OPRK1: variants seen among roughly 807,000 people sequenced by gnomAD.
OPRK1 encodes the protein opioid receptor kappa 1.
In OPRK1, 15 loss-of-function variants were observed where a neutral mutation model predicts 24.5. The observed-to-expected ratio is 0.61, with a 90% CI of 0.41 to 0.94. The LOEUF (loss-of-function observed/expected upper bound fraction) is 0.94, where lower values mean the gene tolerates loss of function less well. Among genes scored for constraint, OPRK1 ranks in the 40% least tolerant of loss-of-function variants. OPRK1 has a pLI of 0.00. For missense variants in OPRK1, 479 were observed against 507.3 expected (o/e 0.94, Z 0.54); for synonymous variants, 205 against 198.0 (o/e 1.04, Z -0.30).
At chr8:53,244,902 G>T (rs1171972568) in intron 2 of OPRK1, among the ~76,000 whole-genome samples, 1 of 152,108 alleles carries the variant, frequency 6.6e-6, no homozygotes, top group Non-Finnish European at 1.5e-5. Flanking sequence ...GTGGTTCCAG[G>T]ATGCCCCCGT....
chr8:53,242,650 G>A (rs966519654), intron 2 of OPRK1: 1 of 253,064 alleles, frequency 4.0e-6, no homozygotes, highest in Non-Finnish European at 7.2e-6. Context: ...GGGACTACAG[G>A]CGCCCGCCAC....
chr8:53,239,742 T>G (rs1807073309), intron 2 of OPRK1, among the ~76,000 whole-genome samples: 1 of 152,208 alleles, frequency 6.6e-6, no homozygotes, highest in Non-Finnish European at 1.5e-5. Flanking sequence ...GTCACATGAC[T>G]GCTCCTGCTG....
intron 2 of OPRK1, among the ~76,000 whole-genome samples, chr8:53,249,835 A>G (rs921269679): frequency 2.0e-5 from 3 of 152,130 alleles, no homozygotes; most frequent in Non-Finnish European, 4.4e-5. Context: ...CCCTTATTTC[A>G]TAGAGACTTC....
rs1178289820 is a variant in OPRK1, at chr8:53,226,623, T to A, written c.*2674A>T. On this transcript the variant is annotated 3_prime_UTR_variant, in exon 4 of 4. Coordinates refer to ENST00000265572, the MANE Select transcript of OPRK1 (RefSeq NM_000912.5). ...TGCATTGCCTGGAACAATGAATAAA[T>A]GGCAATGTGGTCCCTGCTTCACAGC... 1 of 152,238 alleles carries A rather than the reference T, an allele frequency of 6.6e-6. No homozygotes were observed. Among genetic ancestry groups the A allele is most frequent in the African/African-American group, 2.4e-5 (1 of 41,470 alleles). 9.4% of individuals were successfully genotyped at this position (152,238 alleles called of 1,614,324 possible).
rs200759504 is a variant in OPRK1, at chr8:53,225,897, C to A, written c.*3400G>T. On this transcript the variant is annotated 3_prime_UTR_variant, in exon 4 of 4. Transcript: ENST00000265572. Reference sequence around the variant, plus strand: ...TTGCCTTAAGGAAGCTGGGTTATACCGTTTTTGGATGTGATTTTCGTATTT... The same window carrying A: ...TTGCCTTAAGGAAGCTGGGTTATACAGTTTTTGGATGTGATTTTCGTATTT... 5 of 152,374 alleles carry A rather than the reference C, an allele frequency of 3.3e-5. No individual in the cohort carries two copies. The highest frequency in any genetic ancestry group is 7.4e-5 in the Non-Finnish European group (5 of 68,004). The allele number at this position is 152,374 out of a possible 1,614,324, so 9.4% of individuals were successfully genotyped here. A position where few individuals can be genotyped will look rare whatever the true frequency, so the allele number is the denominator to read the frequency against.
chr8:53,250,300 C>T (rs573143557), intron 2 of OPRK1, among the ~76,000 whole-genome samples: 1 of 152,238 alleles, frequency 6.6e-6, no homozygotes, highest in Non-Finnish European at 1.5e-5. Flanking sequence ...GCCAAAACAC[C>T]AGTCTGAGGA....
chr8:53,251,002 C>A lies in OPRK1; in HGVS notation c.36G>T (p.Pro12=), dbSNP rs1051660. The stretch of plus-strand genomic sequence containing the variant: ...AGGCGCTCGGGGCGCAGGTAGGGCC[C>A]GGCTCCCCGCGGAAGATCTGGATCG... ...DSPIQIFRGE[P]GPTCAPSACL... is the part of the protein sequence containing the mutation. Residue 12 remains proline, a synonymous_variant, in exon 2 of 4, where the codon CCG becomes CCT. Transcript: ENST00000265572. The A allele has an allele frequency of 0.097, 153,044 of 1,574,264 alleles. 8,124 individuals carry two copies. The highest frequency in any genetic ancestry group is 0.18 in the South Asian group (15,338 of 84,934).
intron 1 of OPRK1, 62 bp from the exon 2 acceptor site, chr8:53,251,147 C>T: frequency 1.4e-6 from 2 of 1,396,938 alleles, no homozygotes; most frequent in South Asian, 1.6e-5. Flanking sequence ...CCCTGGCCAG[C>T]GGCGCTGGGG....
At position 53,251,039 on chromosome 8, in the gene OPRK1, G is replaced by T. The variant is rs751169109; in HGVS notation, c.-2C>A. ...GAAGATCTGGATCGGGGAGTCCATGGTGGGGCGATTGCAGCAGGAAGGCGA... is the reference window on the plus strand; with the variant it reads ...GAAGATCTGGATCGGGGAGTCCATGTTGGGGCGATTGCAGCAGGAAGGCGA... On this transcript the variant is annotated 5_prime_UTR_variant, in exon 2 of 4. Transcript: ENST00000265572. The T allele has an allele frequency of 6.6e-7, 1 of 1,523,812 alleles. No individual in the cohort carries two copies. The highest frequency in any genetic ancestry group is 8.8e-7 in the Non-Finnish European group (1 of 1,141,478). The allele number at this position is 1,523,812 out of a possible 1,614,324, so 94.4% of individuals were successfully genotyped here.
chr8:53,234,817 C>T lies in OPRK1; in HGVS notation c.552G>A (p.Leu184=), dbSNP rs777791362. ...KAKIINICIW[L]LSSSVGISAI... ...CAGAGATGCCAACAGATGACGACAGCAGCCAGATGCAGATATTGATGATCT... is the reference window on the plus strand; with the variant it reads ...CAGAGATGCCAACAGATGACGACAGTAGCCAGATGCAGATATTGATGATCT... The change falls in exon 3 of 4, where the codon CTG becomes CTA. Residue 184 remains leucine (L), a synonymous_variant. Transcript: ENST00000265572. The T allele has an allele frequency of 9.3e-6, 15 of 1,614,104 alleles. No homozygotes were observed. The African/African-American group carries it at 2.0e-4, about 22-fold the overall frequency.
chr8:53,251,085 G>C lies in OPRK1; in HGVS notation c.-48C>G, dbSNP rs1353340699. The C allele has an allele frequency of 1.4e-6, 2 of 1,440,126 alleles. No individual in the cohort carries two copies. The highest frequency in any genetic ancestry group is 1.8e-6 in the Non-Finnish European group (2 of 1,103,490). 89.2% of individuals were successfully genotyped at this position (1,440,126 alleles called of 1,614,324 possible). A position where few individuals can be genotyped will look rare whatever the true frequency, so the allele number is the denominator to read the frequency against. On this transcript the variant is annotated splice_region_variant and 5_prime_UTR_variant, in exon 2 of 4. Transcript: ENST00000265572. ...GGCGAGGACAGGCGGCACCTGCGGCGCTGCGGGAGCGAAAGAACCGGCTGG... is the reference window on the plus strand; with the variant it reads ...GGCGAGGACAGGCGGCACCTGCGGCCCTGCGGGAGCGAAAGAACCGGCTGG...
intron 2 of OPRK1, among the ~76,000 whole-genome samples, chr8:53,240,388 T>C (rs1807086583): frequency 6.6e-6 from 1 of 152,206 alleles, no homozygotes; most frequent in Admixed American, 6.5e-5. Context: ...GAACAAATGC[T>C]GTTTGGTGAA....
At position 53,235,020 on chromosome 8, in the gene OPRK1, T is replaced by C; in HGVS notation, c.349A>G (p.Thr117Ala). Reference protein sequence around the residue: ...LVTTTMPFQSTVYLMNSWPFG... With the variant: ...LVTTTMPFQSAVYLMNSWPFG... The stretch of plus-strand genomic sequence containing the variant: ...GGCCAGGAATTCATCAAGTAGACCG[T>C]ACTCTGAAAGGGCATGGTTGTAGTA... The change falls in exon 3 of 4, where the codon ACG (threonine) becomes GCG (alanine). Residue 117 changes from threonine to alanine, a missense_variant. Thr to Ala is a moderately conservative substitution (Grantham distance 58). Coordinates refer to ENST00000265572, the MANE Select transcript of OPRK1 (RefSeq NM_000912.5). 1.9e-6 allele frequency: 3 copies of C among 1,614,196 alleles called. No individual in the cohort carries two copies. Among genetic ancestry groups the C allele is most frequent in the Non-Finnish European group, 2.5e-6 (3 of 1,180,032 alleles).
At chr8:53,245,189 T>C (rs961521810) in intron 2 of OPRK1, among the ~76,000 whole-genome samples, 1 of 152,136 alleles carries the variant, frequency 6.6e-6, no homozygotes, top group Non-Finnish European at 1.5e-5. Context: ...TTCACAGATA[T>C]GGAATGAGGG....
chr8:53,230,333 T>C (rs1806821577), intron 3 of OPRK1, among the ~76,000 whole-genome samples: 1 of 152,134 alleles, frequency 6.6e-6, no homozygotes, highest in South Asian at 2.1e-4. Flanking sequence ...TTACAGGAAA[T>C]CATTATGTGG....
chr8:53,235,993 A>G (rs933191232), intron 2 of OPRK1, among the ~76,000 whole-genome samples: 4 of 152,222 alleles, frequency 2.6e-5, no homozygotes, highest in African/African-American at 9.6e-5. Context: ...TATTAAATAA[A>G]TGTTCCAAAC....
chr8:53,250,728 C>T, intron 2 of OPRK1, 53 bp downstream of exon 2: 2 of 1,516,816 alleles, frequency 1.3e-6, no homozygotes, highest in Non-Finnish European at 1.8e-6. Context: ...CGGGGCCTGA[C>T]CCTCACTCCC....
chr8:53,243,641 A>T (rs368702330), intron 2 of OPRK1, among the ~76,000 whole-genome samples: 3 of 152,228 alleles, frequency 2.0e-5, no homozygotes, highest in African/African-American at 7.2e-5. Flanking sequence ...TAATTTGGCT[A>T]ATCCACATAA....
intron 2 of OPRK1, among the ~76,000 whole-genome samples, chr8:53,249,205 A>G (rs927225322): frequency 2.0e-5 from 3 of 152,334 alleles, no homozygotes; most frequent in Middle Eastern, 3.4e-3. Flanking sequence ...TTGAGCACCT[A>G]AATATGATAT....
Sources: gnomAD v4.1 joint callset for allele counts (sites outside exome capture counted in the v4.1 genomes callset) on GRCh38, gnomAD v4.1.1 for gene constraint, MANE v1.5 for transcripts, NCBI Gene and HGNC (gene_info 2026-07-23, HGNC 2026-07-21) for gene names.